Variants in OTOG observed in about 807,000 individuals in gnomAD.
OTOG encodes the protein otogelin.
Under a neutral mutation model 313.8 loss-of-function variants are expected in OTOG, and 296 were observed. The observed-to-expected ratio is 0.94, with a 90% CI of 0.86 to 1.04. OTOG has a LOEUF of 1.04. Ranked by LOEUF, OTOG falls within the 50% of genes least tolerant of loss-of-function variation. OTOG has a pLI of 0.00. For synonymous variants in OTOG, 1,533 were observed against 1,554.9 expected (o/e 0.99, Z 0.33); for missense variants, 3,948 against 3,840.1 (o/e 1.03, Z -0.74).
intron 24 of OTOG, among the ~76,000 whole-genome samples, chr11:17,590,441 C>A (rs1852903654): frequency 6.6e-6 from 1 of 152,240 alleles, no homozygotes. Context: ...CATCCAGAAT[C>A]TGACAACTTC....
intron 14 of OTOG, 67 bp downstream of exon 14, chr11:17,561,204 T>C: frequency 1.3e-6 from 2 of 1,525,618 alleles, no homozygotes; most frequent in South Asian, 1.2e-5. Flanking sequence ...GGGCAAGGAA[T>C]CTCTGGGGGC....
Position 17,578,402 on chromosome 11 carries a change from G to A in OTOG, c.2635G>A (p.Val879Met), listed in dbSNP as rs541377630. The stretch of plus-strand genomic sequence containing the variant: ...TGCCTGCCCAGCAGGCCAGGTCTTC[G>A]TGAACTGCAGCGACCTGCACACGGA... ...AAACPAGQVFVNCSDLHTDLE... is the reference protein window; with the variant it reads ...AAACPAGQVFMNCSDLHTDLE... Residue 879 changes from valine to methionine, a missense_variant, in exon 23 of 56, where the codon GTG (valine) becomes ATG (methionine). Transcript: ENST00000399397. The A allele has an allele frequency of 1.6e-5, 24 of 1,534,156 alleles. No individual in the cohort carries two copies. Among genetic ancestry groups the A allele is most frequent in the East Asian group, 1.5e-4 (6 of 40,692 alleles).
At chr11:17,579,799 G>T (rs1175761344) in intron 23 of OTOG, among the ~76,000 whole-genome samples, 2 of 152,180 alleles carry the variant, frequency 1.3e-5, no homozygotes, top group Non-Finnish European at 1.5e-5. Flanking sequence ...GCCAAGAGTA[G>T]TAGCAAGGCC....
chr11:17,548,168 G>A lies in OTOG; in HGVS notation c.172G>A (p.Ala58Thr). ...AGQPSSSHQE[A>T]TLAMGDKATV... ...TTCCTCCAGCAGCAGCCACCAGGAG[G>A]CGACCCTTGCCATGGGGGACAAGGC... The change falls in exon 3 of 56, where the codon GCG (alanine) becomes ACG (threonine). Residue 58 changes from alanine to threonine, a missense_variant. Coordinates refer to ENST00000399397, the MANE Select transcript of OTOG (RefSeq NM_001292063.2). 2.6e-6 allele frequency: 4 copies of A among 1,548,142 alleles called. No individual in the cohort carries two copies. Among genetic ancestry groups the A allele is most frequent in the Non-Finnish European group, 3.5e-6 (4 of 1,145,584 alleles).
intron 49 of OTOG, 21 bp downstream of exon 49, chr11:17,639,484 C>T (rs1469377444): frequency 1.9e-6 from 3 of 1,549,856 alleles, no homozygotes; most frequent in East Asian, 4.9e-5. Flanking sequence ...GCTCCTCCCC[C>T]AACACTCCCT....
rs938702499 is a variant in OTOG, at chr11:17,641,001, C to A, written c.8100C>A (p.His2700Gln). 1.4e-4 allele frequency: 216 copies of A among 1,548,400 alleles called. No individual in the cohort carries two copies. Among genetic ancestry groups the A allele is most frequent in the Non-Finnish European group, 1.8e-4 (212 of 1,146,986 alleles). Residue 2700 changes from histidine to glutamine, a missense_variant, in exon 51 of 56, where the codon CAC becomes CAA. Physicochemically the swap from His to Gln is conservative, Grantham distance 24 (BLOSUM62 0). Coordinates refer to ENST00000399397, the MANE Select transcript of OTOG (RefSeq NM_001292063.2). The stretch of plus-strand genomic sequence containing the variant: ...AGCTCTCAGCAGATGGCGTGTGCCA[C>A]ACCTCCCGCTGCACCACCGTGCTCG... ...VVELSADGVC[H>Q]TSRCTTVLDP...
rs1257374178 is a variant in OTOG at position 17,594,134 on chromosome 11, C to A, written c.3376C>A (p.Gln1126Lys). 4.5e-6 allele frequency: 7 copies of A among 1,550,606 alleles called. No individual in the cohort carries two copies. Among genetic ancestry groups the A allele is most frequent in the South Asian group, 3.6e-5 (3 of 84,058 alleles). The change falls in exon 28 of 56, where the codon CAG becomes AAG. Residue 1126 changes from glutamine to lysine, a missense_variant. Gln to Lys is a moderately conservative substitution (Grantham distance 53). Coordinates refer to ENST00000399397, the MANE Select transcript of OTOG (RefSeq NM_001292063.2). ...GGAGAACCTAGAGCTAACTAACCCC[C>A]AGGAGTTTGGCAGCAGTTGGGCTGC... Reference protein sequence around the residue: ...TPENLELTNPQEFGSSWAAVE... With the variant: ...TPENLELTNPKEFGSSWAAVE...
intron 21 of OTOG, 85 bp downstream of exon 21, chr11:17,576,715 G>A: frequency 1.4e-6 from 2 of 1,460,064 alleles, no homozygotes; most frequent in Non-Finnish European, 1.9e-6. Flanking sequence ...GGAACTTTCT[G>A]TGAAGGGACA....
chr11:17,548,366 G>A (rs1379268651), intron 3 of OTOG, among the ~76,000 whole-genome samples, 154 bp downstream of exon 3: 1 of 144,250 alleles, frequency 6.9e-6, no homozygotes, highest in Non-Finnish European at 1.5e-5. Context: ...AGGTGTGCAA[G>A]TTCATAAAAC....
intron 15 of OTOG, 111 bp from the exon 16 acceptor site, chr11:17,569,045 T>A (rs2134020933): frequency 1.6e-6 from 2 of 1,284,036 alleles, no homozygotes; most frequent in South Asian, 2.9e-5. Context: ...TCTGTCATTC[T>A]GAGGAAACTG....
At chr11:17,555,130 T>A (rs1319508361) in intron 6 of OTOG, among the ~76,000 whole-genome samples, 1 of 152,008 alleles carries the variant, frequency 6.6e-6, no homozygotes, top group Non-Finnish European at 1.5e-5. Flanking sequence ...TCTGGGAAGC[T>A]CTCCCCTCTA....
At chr11:17,560,347 A>G (rs1693358173) in intron 12 of OTOG, among the ~76,000 whole-genome samples, 1 of 152,192 alleles carries the variant, frequency 6.6e-6, no homozygotes, top group Admixed American at 6.5e-5. Context: ...AAGAAAAAAT[A>G]CAGGAATTCA....
intron 22 of OTOG, among the ~76,000 whole-genome samples, chr11:17,577,808 A>AG (rs1480226005): frequency 6.6e-6 from 1 of 152,216 alleles, no homozygotes; most frequent in East Asian, 1.9e-4. Flanking sequence ...TTCCTAAAAA[A>AG]GATCACTCAC....
Position 17,641,042 on chromosome 11 carries a change from T to C in OTOG, c.8141T>C (p.Phe2714Ser). The C allele has an allele frequency of 7.1e-7, 1 of 1,408,798 alleles. No homozygotes were observed. Among genetic ancestry groups the C allele is most frequent in the Non-Finnish European group, 9.4e-7 (1 of 1,060,950 alleles). The allele number at this position is 1,408,798 out of a possible 1,614,324, so 87.3% of individuals were successfully genotyped here. A position where few individuals can be genotyped will look rare whatever the true frequency, so the allele number is the denominator to read the frequency against. Reference sequence around the variant, plus strand: ...ACCGTGCTCGACCCTCTCACCAACTTCTACCAGATCAACACCACCTCCGTG... The same window carrying C: ...ACCGTGCTCGACCCTCTCACCAACTCCTACCAGATCAACACCACCTCCGTG... ...CTTVLDPLTN[F>S]YQINTTSVLC... The change falls in exon 51 of 56, where the codon TTC becomes TCC. Residue 2714 changes from phenylalanine (F) to serine (S), a missense_variant. Phe to Ser is a radical substitution (Grantham distance 155, BLOSUM62 -2). Coordinates refer to ENST00000399397, the MANE Select transcript of OTOG (RefSeq NM_001292063.2).
intron 29 of OTOG, among the ~76,000 whole-genome samples, chr11:17,596,456 C>T (rs1454505594): frequency 1.3e-5 from 2 of 152,202 alleles, no homozygotes; most frequent in Non-Finnish European, 2.9e-5. Context: ...GCTGAGGCAC[C>T]ACCTATTGCC....
Position 17,645,962 on chromosome 11 carries a change from T to TA in OTOG, c.*19dup. On this transcript the variant is annotated 3_prime_UTR_variant, in exon 56 of 56. Transcript: ENST00000399397. ...GGTCCTGAGGCCTGGGGGCCCGGGC[T>TA]AGCTGGACCACCTCTGCCAGCCCCA... 1 of 1,545,694 alleles carries TA rather than the reference T, an allele frequency of 6.5e-7. No individual in the cohort carries two copies. Among genetic ancestry groups the TA allele is most frequent in the Non-Finnish European group, 8.7e-7 (1 of 1,146,270 alleles).
chr11:17,607,715 G>A lies in OTOG; in HGVS notation c.4157-581G>A, dbSNP rs547254441. On this transcript the variant is annotated intron_variant, in intron 33 of 55. Transcript: ENST00000399397. Reference sequence around the variant, plus strand: ...CTCTGGGAACAGAGAGGGCTGAGTCGGGGGAATAACACCTCCCTTGCAAGC... The same window carrying A: ...CTCTGGGAACAGAGAGGGCTGAGTCAGGGGAATAACACCTCCCTTGCAAGC... 7.2e-5 allele frequency among the ~76,000 whole-genome samples: 11 copies of A among 152,330 alleles called. No homozygotes were observed. In the East Asian group the frequency reaches 1.7e-3, roughly 24 times the overall value.
At chr11:17,628,034 T>C (rs1217982922) in intron 39 of OTOG, among the ~76,000 whole-genome samples, 1 of 152,110 alleles carries the variant, frequency 6.6e-6, no homozygotes, top group Non-Finnish European at 1.5e-5. Context: ...GTTTCATTGA[T>C]CTTTTGTATT....
At position 17,612,089 on chromosome 11, in the gene OTOG, G is replaced by T. The variant is rs77217986; in HGVS notation, c.6124-73G>T. 55,626 of 1,510,140 alleles carry T rather than the reference G, an allele frequency of 0.037. 1,207 individuals carry two copies. Among genetic ancestry groups the T allele is most frequent in the South Asian group, 0.073 (6,079 of 82,922 alleles). 93.5% of individuals were successfully genotyped at this position (1,510,140 alleles called of 1,614,324 possible). ...TAGGACCTACATGTGGGAAGGATCT[G>T]GTGCCATCACAGCTTGCAGGGTGGG... On this transcript the variant is annotated intron_variant, in intron 36 of 55. Coordinates refer to ENST00000399397, the MANE Select transcript of OTOG (RefSeq NM_001292063.2).
Sources: gnomAD v4.1 joint callset for allele counts (sites outside exome capture counted in the v4.1 genomes callset) on GRCh38, gnomAD v4.1.1 for gene constraint, MANE v1.5 for transcripts, NCBI Gene and HGNC (gene_info 2026-07-23, HGNC 2026-07-21) for gene names.